Variants in CNTNAP4 observed in about 807,000 individuals in gnomAD.
CNTNAP4 encodes the protein contactin-associated protein-like 4.
Under a neutral mutation model 148.4 loss-of-function variants are expected in CNTNAP4, and 98 were observed. The ratio of observed to expected loss-of-function variants is 0.66; its 90% confidence interval spans 0.56 to 0.78. The LOEUF (loss-of-function observed/expected upper bound fraction) is 0.78. Ranked by LOEUF, CNTNAP4 falls within the 30% of genes least tolerant of loss-of-function variation. The probability of loss-of-function intolerance (pLI) is 0.00; values close to 1 mark genes in which losing one functional copy is unlikely to be tolerated. For synonymous variants in CNTNAP4, 730 were observed against 565.1 expected (o/e 1.29, Z -4.14); for missense variants, 1,935 against 1,565.6 (o/e 1.24, Z -3.98).
At chr16:76,427,738 G>A (rs773287267) in intron 4 of CNTNAP4, 139 bp downstream of exon 4, 11 of 701,894 alleles carry the variant, frequency 1.6e-5, no homozygotes, top group Non-Finnish European at 2.5e-5. Flanking sequence ...AAGCTTTTTT[G>A]TGCATGCCTG....
intron 12 of CNTNAP4, among the ~76,000 whole-genome samples, chr16:76,482,011 T>A (rs200381379): frequency 5.1e-4 from 16 of 31,154 alleles, no homozygotes; most frequent in African/African-American, 1.9e-3. Flanking sequence ...ATTTTTTTAT[T>A]TTTTTTTTTA....
At chr16:76,299,239 A>G (rs1347412042) in intron 1 of CNTNAP4, among the ~76,000 whole-genome samples, 1 of 152,206 alleles carries the variant, frequency 6.6e-6, no homozygotes, top group Non-Finnish European at 1.5e-5. Flanking sequence ...AAATTTTTGC[A>G]ACCTACTCAT....
At chr16:76,465,155 G>A (rs979391821) in intron 9 of CNTNAP4, among the ~76,000 whole-genome samples, 3 of 152,088 alleles carry the variant, frequency 2.0e-5, no homozygotes, top group Middle Eastern at 3.2e-3. Context: ...TGTTATCCTC[G>A]GAGGTGCTTA....
In CNTNAP4 at chr16:76,277,699, C is replaced by A. The variant is rs1222250222; in HGVS notation, c.37C>A (p.Leu13Ile). Reference protein sequence around the residue: ...SVTGAVLKTLLLLSTQNWNRV... With the variant: ...SVTGAVLKTLILLSTQNWNRV... ...CACGGGAGCTGTCCTCAAGACGCTA[C>A]TTCTGTTATCTACTCAAAATTGGAA... is the stretch of plus-strand genomic sequence containing the variant. The change falls in exon 1 of 24, where the codon CTT becomes ATT. Residue 13 changes from leucine (L) to isoleucine (I), a missense_variant. Physicochemically the swap from Leu to Ile is conservative, Grantham distance 5 (BLOSUM62 2). Coordinates refer to ENST00000611870, the MANE Select transcript of CNTNAP4 (RefSeq NM_033401.5). 6.2e-7 allele frequency: 1 copy of A among 1,605,828 alleles called. No homozygotes were observed. Among genetic ancestry groups the A allele is most frequent in the Non-Finnish European group, 8.5e-7 (1 of 1,175,756 alleles).
At chr16:76,398,517 AG>A (rs2078290612) in intron 3 of CNTNAP4, among the ~76,000 whole-genome samples, 1 of 152,150 alleles carries the variant, frequency 6.6e-6, no homozygotes, top group Admixed American at 6.5e-5. Flanking sequence ...TGCAAAGAGC[AG>A]CTACATGCAC....
chr16:76,549,907 G>C (rs1222128471), intron 21 of CNTNAP4, among the ~76,000 whole-genome samples: 1 of 152,186 alleles, frequency 6.6e-6, no homozygotes, highest in African/African-American at 2.4e-5. Flanking sequence ...TGTGCAGATT[G>C]TATGAAAAAT....
chr16:76,308,781 C>T (rs541739603), intron 1 of CNTNAP4, among the ~76,000 whole-genome samples: 10 of 152,208 alleles, frequency 6.6e-5, no homozygotes, highest in South Asian at 4.2e-4. Context: ...TACAGAGATG[C>T]GACAACCCTG....
chr16:76,417,899 A>G (rs1276393835), intron 3 of CNTNAP4, among the ~76,000 whole-genome samples: 5 of 151,728 alleles, frequency 3.3e-5, no homozygotes, highest in East Asian at 1.9e-4. Context: ...ACTTCTTTCA[A>G]TGCTTTACAT....
intron 15 of CNTNAP4, among the ~76,000 whole-genome samples, chr16:76,502,742 A>G (rs1348990081): frequency 6.6e-6 from 1 of 152,224 alleles, no homozygotes; most frequent in Non-Finnish European, 1.5e-5. Flanking sequence ...GATGATCTCC[A>G]GCTTTCTGAT....
intron 8 of CNTNAP4, among the ~76,000 whole-genome samples, chr16:76,460,773 A>AAAAAAAATATATATATATATAT: frequency 3.5e-5 from 2 of 57,256 alleles, no homozygotes; most frequent in Admixed American, 4.7e-4. Context: ...AAAAAAAAAA[A>AAAAAAAATATATATATATATAT]ATATATATAT....
rs1394921486 is a variant in CNTNAP4, at chr16:76,559,628, C to A, written c.*945C>A. 6.6e-6 allele frequency among the ~76,000 whole-genome samples: 1 copy of A among 152,090 alleles called. No individual in the cohort carries two copies. Among genetic ancestry groups the A allele is most frequent in the African/African-American group, 2.4e-5 (1 of 41,416 alleles). On this transcript the variant is annotated 3_prime_UTR_variant, in exon 24 of 24. Transcript: ENST00000611870. ...CTATTTTGCCCAAACCTAGATCAGT[C>A]CTTTATTGGTTTACATTTCTGTTTT...
At chr16:76,316,286 C>T in intron 1 of CNTNAP4, 127 bp from the exon 2 acceptor site, 1 of 722,738 alleles carries the variant, frequency 1.4e-6, no homozygotes, top group Non-Finnish European at 2.6e-6. Flanking sequence ...AAGTAGTAGG[C>T]ATATTTTTAG....
intron 3 of CNTNAP4, among the ~76,000 whole-genome samples, chr16:76,387,794 G>A (rs1380287361): frequency 1.3e-5 from 2 of 152,156 alleles, no homozygotes; most frequent in African/African-American, 4.8e-5. Context: ...TAAGAAATAA[G>A]ATGATATAGA....
chr16:76,501,052 A>C (rs901981286), intron 15 of CNTNAP4, among the ~76,000 whole-genome samples: 1 of 152,210 alleles, frequency 6.6e-6, no homozygotes, highest in Non-Finnish European at 1.5e-5. Flanking sequence ...GCTTAGTTAA[A>C]AAGCAAAGAT....
Position 76,343,702 on chromosome 16 carries a change from A to G in CNTNAP4, c.197-11616A>G, listed in dbSNP as rs1452533374. Among the ~76,000 whole-genome samples, 8 of 152,236 alleles carry G rather than the reference A, an allele frequency of 5.3e-5. No homozygotes were observed. In the South Asian group the frequency reaches 1.7e-3, roughly 32 times the overall value. On this transcript the variant is annotated intron_variant, in intron 2 of 23. Transcript: ENST00000611870. ...CATTTGCTCTCTTCCCCATTTTAAC[A>G]CAATGTAATACTGAAAAATCAAATA...
intron 3 of CNTNAP4, among the ~76,000 whole-genome samples, chr16:76,416,725 C>G (rs2078998819): frequency 6.6e-6 from 1 of 151,274 alleles, no homozygotes; most frequent in Non-Finnish European, 1.5e-5. Context: ...GAAATGTTCT[C>G]AAAATGTTAA....
intron 7 of CNTNAP4, among the ~76,000 whole-genome samples, chr16:76,450,876 G>C (rs2080440153): frequency 6.6e-6 from 1 of 152,160 alleles, no homozygotes; most frequent in South Asian, 2.1e-4. Flanking sequence ...ATTTTCAGAG[G>C]AACTAAAAAA....
chr16:76,310,871 C>G (rs975032459), intron 1 of CNTNAP4, among the ~76,000 whole-genome samples: 7 of 151,992 alleles, frequency 4.6e-5, no homozygotes, highest in Admixed American at 4.6e-4. Flanking sequence ...AATAGAAGAT[C>G]TGGCACCAGA....
At chr16:76,288,754 A>G (rs1246377408) in intron 1 of CNTNAP4, among the ~76,000 whole-genome samples, 2 of 152,224 alleles carry the variant, frequency 1.3e-5, no homozygotes, top group African/African-American at 4.8e-5. Flanking sequence ...GTAAATGGGA[A>G]AACAATACGT....
Sources: allele counts gnomAD v4.1 joint callset (sites outside exome capture counted in the v4.1 genomes callset), GRCh38; gene constraint gnomAD v4.1.1; transcripts MANE v1.5; gene names NCBI Gene and HGNC (gene_info 2026-07-23, HGNC 2026-07-21).